CHML: variants seen among roughly 807,000 people sequenced by gnomAD.
The protein encoded by CHML is rab proteins geranylgeranyltransferase component A 2.
A neutral mutation model predicts 30.4 loss-of-function variants in CHML; 20 were observed. The ratio of observed to expected loss-of-function variants is 0.66; its 90% CI spans 0.46 to 0.95. The LOEUF is 0.95. CHML is among the 40% of genes least tolerant of loss of function. CHML has a pLI of 0.00. For synonymous variants in CHML, 281 were observed against 275.0 expected (o/e 1.02, Z -0.22); for missense variants, 795 against 768.5 (o/e 1.03, Z -0.41).
chr1:241,640,256 G>A lies in CHML; in HGVS notation c.-682C>T, dbSNP rs1558449795. The A allele has an allele frequency of 4.1e-6, 5 of 1,206,684 alleles. No homozygotes were observed. The East Asian group carries it at 1.7e-4, about 42-fold the overall frequency. 74.7% of individuals were successfully genotyped at this position (1,206,684 alleles called of 1,614,324 possible). On this transcript the variant is annotated 5_prime_UTR_variant, in exon 1 of 2. Coordinates refer to ENST00000366553, the MANE Select transcript of CHML (RefSeq NM_001381853.1). ...GCCGCTGCGGTTCCCCGAGTACATG[G>A]CCCGGCGCCGGCGCGCCTGGCGGGC... is the stretch of plus-strand genomic sequence containing the variant.
At position 241,635,280 on chromosome 1, in the gene CHML, T is replaced by A; in HGVS notation, c.487A>T (p.Thr163Ser). The A allele has an allele frequency of 6.2e-7, 1 of 1,614,022 alleles. No individual in the cohort carries two copies. Among genetic ancestry groups the A allele is most frequent in the Non-Finnish European group, 8.5e-7 (1 of 1,179,936 alleles). Reference sequence around the variant, plus strand: ...TCAGTTACTTCTAGTGAAATCTCTGTATCACTTTTCTGAGTGTGTTTTGCA... The same window carrying A: ...TCAGTTACTTCTAGTGAAATCTCTGAATCACTTTTCTGAGTGTGTTTTGCA... ...MPAKHTQKSD[T>S]EISLEVTDVE... is the part of the protein sequence containing the mutation. Residue 163 changes from threonine (T) to serine (S), a missense_variant, in exon 2 of 2, where the codon ACA becomes TCA. Coordinates refer to ENST00000366553, the MANE Select transcript of CHML (RefSeq NM_001381853.1).
At position 241,640,065 on chromosome 1, in the gene CHML, C is replaced by T. The variant is rs752867532; in HGVS notation, c.-491G>A. 7 of 1,611,504 alleles carry T rather than the reference C, an allele frequency of 4.3e-6. No homozygotes were observed. Among genetic ancestry groups the T allele is most frequent in the Non-Finnish European group, 5.9e-6 (7 of 1,179,122 alleles). On this transcript the variant is annotated 5_prime_UTR_variant, in exon 1 of 2. Coordinates refer to ENST00000366553, the MANE Select transcript of CHML (RefSeq NM_001381853.1). ...AGCCGCTGGAACTTGTAGTAGAGGA[C>T]GAGCACCAGCAGGTTGTTGCCGACG...
At position 241,634,490 on chromosome 1, in the gene CHML, C is replaced by T; in HGVS notation, c.1277G>A (p.Gly426Asp). 6.2e-7 allele frequency: 1 copy of T among 1,613,712 alleles called. No homozygotes were observed. Among genetic ancestry groups the T allele is most frequent in the Non-Finnish European group, 8.5e-7 (1 of 1,179,884 alleles). The change falls in exon 2 of 2, where the codon GGT becomes GAT. Residue 426 changes from glycine to aspartate, a missense_variant. Transcript: ENST00000366553. ...AAAATATTTAGCATTTATTCTTTGACCAAAGTGATCTATAATTGCTTTACA... is the reference window on the plus strand; with the variant it reads ...AAAATATTTAGCATTTATTCTTTGATCAAAGTGATCTATAATTGCTTTACA... ...GRCKAIIDHF[G>D]QRINAKYFIV...
In CHML at chr1:241,630,028, T is replaced by C. The variant is rs1213437826; in HGVS notation, c.*3768A>G. 1 of 152,240 alleles carries C rather than the reference T, an allele frequency of 6.6e-6. No homozygotes were observed. Among genetic ancestry groups the C allele is most frequent in the African/African-American group, 2.4e-5 (1 of 41,576 alleles). 9.4% of individuals were successfully genotyped at this position (152,240 alleles called of 1,614,324 possible). A position where few individuals can be genotyped will look rare whatever the true frequency, so the allele number is the denominator to read the frequency against. ...CCAGTTGGAATGTTAAATGGAACTG[T>C]AGTAAATTTCATACTAATGTCACAT... On this transcript the variant is annotated 3_prime_UTR_variant, in exon 2 of 2. Transcript: ENST00000366553.
In CHML at chr1:241,633,855, G is replaced by A; in HGVS notation, c.1912C>T (p.Leu638=). Reference sequence around the variant, plus strand: ...TTTTTGCTTTCCTCAGAGGATTCTAGTTTGGCCATTACTACATTATTGGTT... The same window carrying A: ...TTTTTGCTTTCCTCAGAGGATTCTAATTTGGCCATTACTACATTATTGGTT... ...PGTNNVVMAK[L]ESSEESKNLE... The change falls in exon 2 of 2, where the codon CTA becomes TTA. Residue 638 remains leucine, a synonymous_variant. Transcript: ENST00000366553. 2 of 1,613,890 alleles carry A rather than the reference G, an allele frequency of 1.2e-6. No individual in the cohort carries two copies. The highest frequency in any genetic ancestry group is 1.7e-6 in the Non-Finnish European group (2 of 1,179,798).
intron 1 of CHML, among the ~76,000 whole-genome samples, chr1:241,636,864 AC>A (rs1664917086): frequency 6.6e-6 from 1 of 152,098 alleles, no homozygotes; most frequent in East Asian, 1.9e-4. Context: ...TGTCTCTGCA[AC>A]CCTGAATCTC....
rs1431788786 is a variant in CHML at position 241,633,551 on chromosome 1, ACT to A, written c.*243_*244del. The A allele has an allele frequency of 2.0e-5, 10 of 497,138 alleles. No homozygotes were observed. The highest frequency in any genetic ancestry group is 8.0e-5 in the African/African-American group (4 of 50,014). 30.8% of individuals were successfully genotyped at this position (497,138 alleles called of 1,614,324 possible). A position where few individuals can be genotyped will look rare whatever the true frequency, so the allele number is the denominator to read the frequency against. ...TATACCCAATACTAAAATAAAGCTA[ACT>A]CTGTTTTAAGATTCTGGGTCATATA... On this transcript the variant is annotated 3_prime_UTR_variant, in exon 2 of 2. Coordinates refer to ENST00000366553, the MANE Select transcript of CHML (RefSeq NM_001381853.1).
chr1:241,634,710 T>TAGTGCA lies in CHML; in HGVS notation c.1051_1056dup (p.Cys351_Thr352dup). On this transcript the variant is annotated inframe_insertion, in exon 2 of 2. Transcript: ENST00000366553. ...TTAGTTGCGTTAAGACCATCTATTG[T>TAGTGCA]AGTGCAAGATGATTCTGATGTCATT... The TAGTGCA allele has an allele frequency of 6.2e-7, 1 of 1,614,016 alleles. No individual in the cohort carries two copies. The highest frequency in any genetic ancestry group is 8.5e-7 in the Non-Finnish European group (1 of 1,179,894).
intron 1 of CHML, among the ~76,000 whole-genome samples, chr1:241,638,126 G>C (rs957606479): frequency 1.3e-5 from 2 of 152,112 alleles, no homozygotes; most frequent in African/African-American, 4.8e-5. Flanking sequence ...CTTATCTCAG[G>C]GTTTCCACCT....
intron 1 of CHML, 127 bp from the exon 2 acceptor site, chr1:241,636,200 C>T (rs1173334182): frequency 1.0e-5 from 4 of 395,986 alleles, no homozygotes; most frequent in South Asian, 1.4e-4. Context: ...TAAAGCATGT[C>T]TTAAATGCTT....
rs771836374 is a variant in CHML at position 241,635,348 on chromosome 1, G to C, written c.419C>G (p.Pro140Arg). Residue 140 changes from proline to arginine, a missense_variant, in exon 2 of 2, where the codon CCT becomes CGT. Transcript: ENST00000366553. The part of the protein sequence containing the change: ...TFTEVLDSAL[P>R]EESQLSYFNS... ...AAAATACGATAACTGGCTTTCTTCA[G>C]GTAATGCAGAATCCAGAACTTCAGT... The C allele has an allele frequency of 1.2e-6, 2 of 1,614,014 alleles. No individual in the cohort carries two copies. Among genetic ancestry groups the C allele is most frequent in the Admixed American group, 1.7e-5 (1 of 60,014 alleles).
At position 241,629,859 on chromosome 1, in the gene CHML, A is replaced by T; in HGVS notation, c.*3937T>A. On this transcript the variant is annotated 3_prime_UTR_variant, in exon 2 of 2. Transcript: ENST00000366553. ...TTAAACTTTCTACTTGGCACCACAG[A>T]ATATTCAGAAAGGTTGCTTAATAGC... 1 of 152,074 alleles carries T rather than the reference A, an allele frequency of 6.6e-6. No individual in the cohort carries two copies. The highest frequency in any genetic ancestry group is 1.9e-4 in the East Asian group (1 of 5,192). The allele number at this position is 152,074 out of a possible 1,614,324, so 9.4% of individuals were successfully genotyped here.
chr1:241,640,312 G>A lies in CHML; in HGVS notation c.-738C>T. 3 of 1,099,796 alleles carry A rather than the reference G, an allele frequency of 2.7e-6. No individual in the cohort carries two copies. Among genetic ancestry groups the A allele is most frequent in the African/African-American group, 3.3e-5 (2 of 59,850 alleles). 68.1% of individuals were successfully genotyped at this position (1,099,796 alleles called of 1,614,324 possible). On this transcript the variant is annotated 5_prime_UTR_variant, in exon 1 of 2. Coordinates refer to ENST00000366553, the MANE Select transcript of CHML (RefSeq NM_001381853.1). ...CGCTCAGCTTGCGGCGGGGCTCGCG[G>A]CGCGCTCCGCACTGGGTGGGGTTGG...
In CHML at chr1:241,635,138, T is replaced by C. The variant is rs1664832880; in HGVS notation, c.629A>G (p.Asp210Gly). 1 of 1,612,768 alleles carries C rather than the reference T, an allele frequency of 6.2e-7. No individual in the cohort carries two copies. The highest frequency in any genetic ancestry group is 1.1e-5 in the South Asian group (1 of 91,086). The part of the protein sequence containing the change: ...ESKSTVEDKA[D>G]EPIRNRITYS... Reference sequence around the variant, plus strand: ...AGTAATCCTATTTCTAATTGGTTCATCGGCCTTATCTTCTACTGTAGATTT... The same window carrying C: ...AGTAATCCTATTTCTAATTGGTTCACCGGCCTTATCTTCTACTGTAGATTT... The change falls in exon 2 of 2, where the codon GAT (aspartate) becomes GGT (glycine). Residue 210 changes from aspartate to glycine, a missense_variant. Asp to Gly is a moderately conservative substitution (Grantham distance 94). Transcript: ENST00000366553.
chr1:241,638,134 C>T (rs1444791185), intron 1 of CHML, among the ~76,000 whole-genome samples: 5 of 152,178 alleles, frequency 3.3e-5, no homozygotes, highest in African/African-American at 7.2e-5. Context: ...AGGGTTTCCA[C>T]CTCTACATTA....
chr1:241,640,261 G>T lies in CHML; in HGVS notation c.-687C>A, dbSNP rs1447404634. 44 of 1,197,520 alleles carry T rather than the reference G, an allele frequency of 3.7e-5. No individual in the cohort carries two copies. The highest frequency in any genetic ancestry group is 8.4e-5 in the South Asian group (2 of 23,850). 74.2% of individuals were successfully genotyped at this position (1,197,520 alleles called of 1,614,324 possible). ...TGCGGTTCCCCGAGTACATGGCCCG[G>T]CGCCGGCGCGCCTGGCGGGCGGAGG... On this transcript the variant is annotated 5_prime_UTR_variant, in exon 1 of 2. Transcript: ENST00000366553.
In CHML at chr1:241,640,286, G is replaced by A. The variant is rs1665076198; in HGVS notation, c.-712C>T. 4.3e-6 allele frequency: 5 copies of A among 1,157,904 alleles called. No individual in the cohort carries two copies. The highest frequency in any genetic ancestry group is 5.3e-6 in the Non-Finnish European group (5 of 943,240). 71.7% of individuals were successfully genotyped at this position (1,157,904 alleles called of 1,614,324 possible). ...GCGCCGGCGCGCCTGGCGGGCGGAG[G>A]CGCTCAGCTTGCGGCGGGGCTCGCG... is the stretch of plus-strand genomic sequence containing the variant. On this transcript the variant is annotated 5_prime_UTR_variant, in exon 1 of 2. Transcript: ENST00000366553.
Position 241,634,027 on chromosome 1 carries a change from A to C in CHML, c.1740T>G (p.Pro580=). 1 of 1,613,776 alleles carries C rather than the reference A, an allele frequency of 6.2e-7. No homozygotes were observed. Among genetic ancestry groups the C allele is most frequent in the South Asian group, 1.1e-5 (1 of 91,050 alleles). The change falls in exon 2 of 2, where the codon CCT becomes CCG. Residue 580 remains proline (P), a synonymous_variant. Coordinates refer to ENST00000366553, the MANE Select transcript of CHML (RefSeq NM_001381853.1). The part of the protein sequence containing the change: ...LPSNVYVCSG[P]DCGLGNEHAV... Reference sequence around the variant, plus strand: ...CATGCTCATTTCCCAGGCCACAGTCAGGCCCAGAGCAGACATAAACATTGG... The same window carrying C: ...CATGCTCATTTCCCAGGCCACAGTCCGGCCCAGAGCAGACATAAACATTGG...
rs1222419818 is a variant in CHML at position 241,632,747 on chromosome 1, G to C, written c.*1049C>G. On this transcript the variant is annotated 3_prime_UTR_variant, in exon 2 of 2. Coordinates refer to ENST00000366553, the MANE Select transcript of CHML (RefSeq NM_001381853.1). ...ATTCATTCCTATCAGTTATGTTATA[G>C]TGATATTAATTAAAGTGGTAGAGCC... 1 of 152,118 alleles carries C rather than the reference G, an allele frequency of 6.6e-6. No homozygotes were observed. 9.4% of individuals were successfully genotyped at this position (152,118 alleles called of 1,614,324 possible). A position where few individuals can be genotyped will look rare whatever the true frequency, so the allele number is the denominator to read the frequency against.
Sources: allele counts gnomAD v4.1 joint callset (sites outside exome capture counted in the v4.1 genomes callset), GRCh38; gene constraint gnomAD v4.1.1; transcripts MANE v1.5; gene names NCBI Gene and HGNC (gene_info 2026-07-23, HGNC 2026-07-21).